TXLNB: variants seen among roughly 807,000 people sequenced by gnomAD.
TXLNB encodes the protein beta-taxilin.
A neutral mutation model predicts 57.4 loss-of-function variants in TXLNB; 37 were observed. The ratio of observed to expected loss-of-function variants is 0.64; its 90% CI spans 0.50 to 0.85. The LOEUF (loss-of-function observed/expected upper bound fraction) is 0.85. Among genes scored for constraint, TXLNB ranks in the 40% least tolerant of loss-of-function variants. The probability of loss-of-function intolerance (pLI) is 0.00; values close to 1 mark genes in which losing one functional copy is unlikely to be tolerated. For synonymous variants in TXLNB, 302 were observed against 309.6 expected (o/e 0.98, Z 0.26); for missense variants, 848 against 825.6 (o/e 1.03, Z -0.33).
At chr6:139,184,781 C>CTT in the TXLNB span, among the ~76,000 whole-genome samples, 1 of 152,122 alleles carries the variant, frequency 6.6e-6, no homozygotes, top group Non-Finnish European at 1.5e-5. Context: ...TTCTCACAAT[C>CTT]TTGTTAGAAG....
At chr6:139,193,728 A>G in the TXLNB span, among the ~76,000 whole-genome samples, 3 of 149,892 alleles carry the variant, frequency 2.0e-5, no homozygotes, top group Admixed American at 1.3e-4. Flanking sequence ...ATCTCAGCTC[A>G]CTGCAACCTC....
At chr6:139,170,831 A>G in the TXLNB span, among the ~76,000 whole-genome samples, 2 of 152,106 alleles carry the variant, frequency 1.3e-5, no homozygotes, top group Non-Finnish European at 1.5e-5. Flanking sequence ...AAGGGGTTTG[A>G]AAGGGGTGGG....
chr6:139,215,542 A>T, the TXLNB span, among the ~76,000 whole-genome samples: 1 of 152,062 alleles, frequency 6.6e-6, no homozygotes, highest in Non-Finnish European at 1.5e-5. Flanking sequence ...AACCTAGGCA[A>T]TACCATTCAG....
intron 2 of TXLNB, among the ~76,000 whole-genome samples, chr6:139,278,734 G>C (rs376977249): frequency 6.6e-6 from 1 of 152,208 alleles, no homozygotes; most frequent in Non-Finnish European, 1.5e-5. Flanking sequence ...GGCCAGGCAC[G>C]GTGGCTCACG....
upstream of TXLNB, among the ~76,000 whole-genome samples, chr6:139,295,685 AT>A (rs1440612977): frequency 3.9e-5 from 6 of 151,998 alleles, no homozygotes; most frequent in Admixed American, 1.3e-4. Flanking sequence ...ATAGATGAAG[AT>A]TTTCATTGTT....
chr6:139,293,584 C>T (rs1775764957), upstream of TXLNB, among the ~76,000 whole-genome samples: 2 of 151,860 alleles, frequency 1.3e-5, no homozygotes, highest in African/African-American at 4.8e-5. Flanking sequence ...TTTGGATTTC[C>T]GACCTCCAGA....
At position 139,286,536 on chromosome 6, in the gene TXLNB, G is replaced by A. The variant is rs542953473; in HGVS notation, c.424+1940C>T. Among the ~76,000 whole-genome samples, 43 of 152,214 alleles carry A rather than the reference G, an allele frequency of 2.8e-4. No homozygotes were observed. The South Asian group carries it at 3.1e-3, about 11-fold the overall frequency. ...TTCAAAGGAAGACTAGGGGCCGGGCGCAGTGGCTCACGTCTGCAATCCCAG... is the reference window on the plus strand; with the variant it reads ...TTCAAAGGAAGACTAGGGGCCGGGCACAGTGGCTCACGTCTGCAATCCCAG... On this transcript the variant is annotated intron_variant, in intron 2 of 9. Transcript: ENST00000358430.
the TXLNB span, among the ~76,000 whole-genome samples, chr6:139,220,555 T>C: frequency 1.3e-5 from 2 of 152,188 alleles, no homozygotes; most frequent in Non-Finnish European, 2.9e-5. Context: ...GCTGGATCCA[T>C]ATGTGTGTCA....
At chr6:139,169,495 C>T in the TXLNB span, 1 of 152,190 alleles carries the variant, frequency 6.6e-6, no homozygotes, top group Non-Finnish European at 1.5e-5. Context: ...GCTGAAATTG[C>T]AGAGAGTAGT....
At chr6:139,187,514 CAG>C in the TXLNB span, among the ~76,000 whole-genome samples, 1 of 139,704 alleles carries the variant, frequency 7.2e-6, no homozygotes, top group Non-Finnish European at 1.6e-5. Context: ...GTTATCAAAA[CAG>C]TATTTTTTTT....
At chr6:139,247,701 T>C (rs1186286116) in intron 8 of TXLNB, 116 bp downstream of exon 8, 1 of 671,358 alleles carries the variant, frequency 1.5e-6, no homozygotes, top group Admixed American at 2.8e-5. Flanking sequence ...CTATAAACAT[T>C]TCATTACTTT....
chr6:139,216,979 A>T, the TXLNB span, among the ~76,000 whole-genome samples: 1 of 152,204 alleles, frequency 6.6e-6, no homozygotes, highest in East Asian at 1.9e-4. Flanking sequence ...ACTTATCCAC[A>T]TAACAAAAAA....
the TXLNB span, among the ~76,000 whole-genome samples, chr6:139,311,722 G>A: frequency 0.54 from 81,730 of 152,038 alleles, 23,917 homozygotes; most frequent in African/African-American, 0.78. Context: ...GAACAGGACC[G>A]CGTCGTCTGC....
chr6:139,244,187 A>G (rs1776019932), intron 9 of TXLNB, among the ~76,000 whole-genome samples: 1 of 152,176 alleles, frequency 6.6e-6, no homozygotes, highest in Admixed American at 6.5e-5. Flanking sequence ...CATGCACTGG[A>G]CTCTTGGGCT....
the TXLNB span, among the ~76,000 whole-genome samples, chr6:139,215,856 T>A: frequency 6.6e-6 from 1 of 151,982 alleles, no homozygotes; most frequent in East Asian, 1.9e-4. Context: ...TTATGCAGCC[T>A]AAAAACACAT....
chr6:139,305,431 A>G, the TXLNB span, among the ~76,000 whole-genome samples: 1 of 152,016 alleles, frequency 6.6e-6, no homozygotes, highest in Non-Finnish European at 1.5e-5. Context: ...AACCATATGC[A>G]TTAAAACAAT....
the TXLNB span, among the ~76,000 whole-genome samples, chr6:139,212,455 C>A: frequency 6.6e-6 from 1 of 152,166 alleles, no homozygotes; most frequent in Admixed American, 6.5e-5. Flanking sequence ...ACCAGGCCTG[C>A]CCTAAAAGAG....
chr6:139,216,638 A>T, the TXLNB span, among the ~76,000 whole-genome samples: 585 of 152,286 alleles, frequency 3.8e-3, 1 homozygote, highest in Middle Eastern at 0.014. Context: ...TAATAATTTT[A>T]AAAAAAGAAA....
the TXLNB span, among the ~76,000 whole-genome samples, chr6:139,320,817 T>C: frequency 6.6e-6 from 1 of 152,168 alleles, no homozygotes; most frequent in Non-Finnish European, 1.5e-5. Flanking sequence ...CCATGCTACA[T>C]AGGCACAAGT....
Sources: allele counts gnomAD v4.1 joint callset (sites outside exome capture counted in the v4.1 genomes callset), GRCh38; gene constraint gnomAD v4.1.1; transcripts MANE v1.5; gene names NCBI Gene and HGNC (gene_info 2026-07-23, HGNC 2026-07-21).